Variants in LMBRD1 observed in about 807,000 individuals in gnomAD.
The protein encoded by LMBRD1 is LMBR1 domain containing 1.
LMBRD1 carries 64 observed loss-of-function variants against 74.8 expected under a neutral mutation model. The ratio of observed to expected loss-of-function variants is 0.86; its 90% CI spans 0.70 to 1.05. The LOEUF (loss-of-function observed/expected upper bound fraction) is 1.05, where lower values mean the gene tolerates loss of function less well. Among genes scored for constraint, LMBRD1 ranks in the 50% least tolerant of loss-of-function variants. LMBRD1 has a pLI of 0.00. For missense variants in LMBRD1, 652 were observed against 645.9 expected (o/e 1.01, Z -0.10); for synonymous variants, 204 against 216.3 (o/e 0.94, Z 0.50).
chr6:69,676,271 C>T lies in LMBRD1; in HGVS notation c.1510G>A (p.Val504Ile), dbSNP rs980145400. 4 of 1,612,140 alleles carry T rather than the reference C, an allele frequency of 2.5e-6. No homozygotes were observed. Among genetic ancestry groups the T allele is most frequent in the Middle Eastern group, 1.6e-4 (1 of 6,068 alleles). ...YYFGNWAFLG[V>I]FLIGLIVSCC... Reference sequence around the variant, plus strand: ...GATACAATTAATCCAATCAAAAATACCTGTAAATTTAAATAAGCCATGTGT... The same window carrying T: ...GATACAATTAATCCAATCAAAAATATCTGTAAATTTAAATAAGCCATGTGT... The change falls in exon 16 of 16, where the codon GTA becomes ATA. Residue 504 changes from valine to isoleucine, a missense_variant and splice_region_variant. Around this residue, in one of 3 missense-constraint regions of LMBRD1, gnomAD observed 51 missense variants for 46.9 expected, o/e 1.09. Transcript: ENST00000649934.
At chr6:69,766,802 T>A (rs1765482984) in intron 3 of LMBRD1, among the ~76,000 whole-genome samples, 1 of 151,682 alleles carries the variant, frequency 6.6e-6, no homozygotes, top group Non-Finnish European at 1.5e-5. Context: ...TTTAAATACA[T>A]AATATGTGAA....
At chr6:69,732,387 C>T (rs1214175774) in intron 7 of LMBRD1, among the ~76,000 whole-genome samples, 1 of 152,010 alleles carries the variant, frequency 6.6e-6, no homozygotes, top group Non-Finnish European at 1.5e-5. Context: ...AGAAGACAGC[C>T]AACTGCAAAT....
intron 14 of LMBRD1, among the ~76,000 whole-genome samples, chr6:69,694,739 A>C (rs1765957515): frequency 6.6e-6 from 1 of 152,166 alleles, no homozygotes; most frequent in Non-Finnish European, 1.5e-5. Context: ...TCCTTCCCCC[A>C]AACAACCTAA....
At chr6:69,677,126 T>A (rs1005469233) in intron 14 of LMBRD1, among the ~76,000 whole-genome samples, 5 of 152,176 alleles carry the variant, frequency 3.3e-5, no homozygotes, top group African/African-American at 9.7e-5. Context: ...CTGTGTATTT[T>A]CAAGCTTCGT....
rs928713653 is a variant in LMBRD1 at position 69,676,280 on chromosome 6, T to G, written c.1510-9A>C. The G allele has an allele frequency of 6.2e-7, 1 of 1,611,426 alleles. No homozygotes were observed. Among genetic ancestry groups the G allele is most frequent in the African/African-American group, 1.3e-5 (1 of 74,960 alleles). On this transcript the variant is annotated splice_polypyrimidine_tract_variant and intron_variant, in intron 15 of 15. Transcript: ENST00000649934. ...AATCCAATCAAAAATACCTGTAAAT[T>G]TAAATAAGCCATGTGTTATTTTTCA...
rs571973784 is a variant in LMBRD1 at position 69,736,318 on chromosome 6, T to C, written c.636+1624A>G. On this transcript the variant is annotated intron_variant, in intron 7 of 15. Transcript: ENST00000649934. ...GAGCAAAGGACAGGCATGCTTACCA[T>C]CCATTATAAAAGATTCAGCTTCCCT... is the stretch of plus-strand genomic sequence containing the variant. Among the ~76,000 whole-genome samples, 59 of 152,190 alleles carry C rather than the reference T, an allele frequency of 3.9e-4. No individual in the cohort carries two copies. The South Asian group carries it at 8.7e-3, about 22-fold the overall frequency.
At chr6:69,754,867 A>C (rs1416130612) in intron 3 of LMBRD1, among the ~76,000 whole-genome samples, 1 of 152,230 alleles carries the variant, frequency 6.6e-6, no homozygotes, top group African/African-American at 2.4e-5. Flanking sequence ...TAAGAAATGC[A>C]AATCAAAACC....
intron 8 of LMBRD1, among the ~76,000 whole-genome samples, chr6:69,718,646 G>T (rs1029962570): frequency 2.0e-5 from 3 of 152,112 alleles, no homozygotes; most frequent in African/African-American, 7.2e-5. Context: ...AGTGCCAAAG[G>T]GGGAAAGCCT....
At chr6:69,694,742 C>A (rs1173502206) in intron 14 of LMBRD1, among the ~76,000 whole-genome samples, 4 of 152,196 alleles carry the variant, frequency 2.6e-5, no homozygotes, top group African/African-American at 9.6e-5. Flanking sequence ...TTCCCCCAAA[C>A]AACCTAAGAA....
At chr6:69,774,691 A>G (rs1475012224) in intron 3 of LMBRD1, among the ~76,000 whole-genome samples, 1 of 152,138 alleles carries the variant, frequency 6.6e-6, no homozygotes, top group Non-Finnish European at 1.5e-5. Flanking sequence ...AGGCTTAAAT[A>G]TGAAATTAAA....
At chr6:69,791,974 T>C (rs1435321654) in intron 1 of LMBRD1, among the ~76,000 whole-genome samples, 1 of 152,346 alleles carries the variant, frequency 6.6e-6, no homozygotes, top group Non-Finnish European at 1.5e-5. Context: ...CCTCATTATA[T>C]GCTCATTAAC....
intron 3 of LMBRD1, among the ~76,000 whole-genome samples, chr6:69,773,660 C>CA (rs1042523350): frequency 3.3e-5 from 5 of 151,054 alleles, no homozygotes; most frequent in African/African-American, 1.2e-4. Flanking sequence ...GTTTTAACAG[C>CA]AAAAAAAAAT....
At chr6:69,781,466 A>T (rs1350693559) in intron 2 of LMBRD1, among the ~76,000 whole-genome samples, 1 of 152,156 alleles carries the variant, frequency 6.6e-6, no homozygotes, top group Non-Finnish European at 1.5e-5. Context: ...GAGTGCTCTT[A>T]AAAAAGGGCA....
At chr6:69,676,955 T>C (rs1765559348) in intron 14 of LMBRD1, among the ~76,000 whole-genome samples, 1 of 152,144 alleles carries the variant, frequency 6.6e-6, no homozygotes, top group African/African-American at 2.4e-5. Context: ...AAGTTGCACT[T>C]GTAGGGGCAG....
chr6:69,766,284 TA>T (rs778600499), intron 3 of LMBRD1, among the ~76,000 whole-genome samples: 28 of 152,136 alleles, frequency 1.8e-4, no homozygotes, highest in Non-Finnish European at 3.1e-4. Flanking sequence ...CCACTAAGTA[TA>T]ATGTAGCTGT....
chr6:69,796,713 C>T lies in LMBRD1; in HGVS notation c.69+100G>A, dbSNP rs3752788. On this transcript the variant is annotated intron_variant, in intron 1 of 15. Transcript: ENST00000649934. ...AGTCCAAGCTAAAAGCGGGGCGGGG[C>T]GAAGAGGGTCTCCGGGGCCCGGAGA... The T allele has an allele frequency of 8.3e-3, 9,115 of 1,099,864 alleles. 233 individuals carry two copies. In the East Asian group the frequency reaches 0.092, roughly 11 times the overall value. The allele number at this position is 1,099,864 out of a possible 1,614,324, so 68.1% of individuals were successfully genotyped here. A position where few individuals can be genotyped will look rare whatever the true frequency, so the allele number is the denominator to read the frequency against.
intron 3 of LMBRD1, among the ~76,000 whole-genome samples, chr6:69,777,652 A>G (rs755302913): frequency 9.2e-5 from 14 of 151,398 alleles, no homozygotes; most frequent in South Asian, 8.4e-4. Flanking sequence ...CTCCACATCA[A>G]TATCTTCATC....
intron 9 of LMBRD1, among the ~76,000 whole-genome samples, chr6:69,706,707 T>G (rs1480705833): frequency 6.6e-6 from 1 of 152,202 alleles, no homozygotes; most frequent in Non-Finnish European, 1.5e-5. Context: ...TATATTTCAA[T>G]CTCTACCTTC....
intron 15 of LMBRD1, 86 bp downstream of exon 15, chr6:69,676,364 A>G: frequency 6.4e-7 from 1 of 1,570,692 alleles, no homozygotes; most frequent in South Asian, 1.1e-5. Context: ...TATGATACAA[A>G]TGGCCTAGTA....
Sources: allele counts gnomAD v4.1 joint callset (sites outside exome capture counted in the v4.1 genomes callset), GRCh38; gene constraint gnomAD v4.1.1; regional missense constraint gnomAD v4.1.1; transcripts MANE v1.5; gene names NCBI Gene and HGNC (gene_info 2026-07-23, HGNC 2026-07-21).